Variants in PTCHD4 observed in about 807,000 individuals in gnomAD.
PTCHD4 encodes patched domain containing 4, also known as patched domain-containing protein 4.
Under a neutral mutation model 58.1 loss-of-function variants are expected in PTCHD4, and 33 were observed. The observed-to-expected ratio is 0.57, with a 90% CI of 0.43 to 0.76. The LOEUF is 0.76. Ranked by LOEUF, PTCHD4 falls within the 30% of genes least tolerant of loss-of-function variation. The pLI is 0.00. For missense variants in PTCHD4, 1,058 were observed against 1,027.1 expected (o/e 1.03, Z -0.41); for synonymous variants, 478 against 409.6 (o/e 1.17, Z -2.02).
At chr6:47,956,080 G>T (rs973074177) in intron 4 of PTCHD4, among the ~76,000 whole-genome samples, 1 of 152,164 alleles carries the variant, frequency 6.6e-6, no homozygotes, top group African/African-American at 2.4e-5. Flanking sequence ...GTTTCTGAAT[G>T]AATGAGTAGT....
intron 1 of PTCHD4, among the ~76,000 whole-genome samples, chr6:48,101,539 T>C (rs1234536544): frequency 2.6e-5 from 4 of 152,218 alleles, no homozygotes; most frequent in Non-Finnish European, 5.9e-5. Flanking sequence ...AAAGTGATTC[T>C]AGTTTTGCTT....
At chr6:48,044,149 T>C (rs1169984319) in intron 3 of PTCHD4, among the ~76,000 whole-genome samples, 1 of 151,844 alleles carries the variant, frequency 6.6e-6, no homozygotes, top group Non-Finnish European at 1.5e-5. Flanking sequence ...TGTACTTGCA[T>C]CCTAAGGCAG....
In PTCHD4 at chr6:48,069,147, G is replaced by GC. The variant is rs1764916087; in HGVS notation, c.-191_-190insG. ...CAGACATGTGCCCCATAAAGGGGGG[G>GC]GGGGCTGAGGGGGGGAGAGGAGGGA... On this transcript the variant is annotated 5_prime_UTR_variant, in exon 2 of 5. It introduces an in-frame stop codon into an upstream open reading frame of the 5' UTR. Transcript: ENST00000339488. Among the ~76,000 whole-genome samples, 1 of 139,302 alleles carries GC rather than the reference G, an allele frequency of 7.2e-6. No individual in the cohort carries two copies. The highest frequency in any genetic ancestry group is 1.6e-5 in the Non-Finnish European group (1 of 63,708). 91.4% of individuals were successfully genotyped at this position (139,302 alleles called of 152,430 possible).
chr6:47,969,632 A>C (rs973886868), intron 4 of PTCHD4, among the ~76,000 whole-genome samples: 3 of 152,098 alleles, frequency 2.0e-5, no homozygotes, highest in South Asian at 2.1e-4. Flanking sequence ...GACCCCCCCC[A>C]AAAAATAAAA....
At chr6:48,108,390 G>T (rs948368976) in intron 1 of PTCHD4, among the ~76,000 whole-genome samples, 48 of 152,122 alleles carry the variant, frequency 3.2e-4, no homozygotes, top group Admixed American at 5.2e-4. Flanking sequence ...CTCATAGGTG[G>T]GAATTGAACA....
At chr6:48,057,170 GGTTTTTTTTGTTTTTTTTT>G (rs1053206498) in intron 3 of PTCHD4, among the ~76,000 whole-genome samples, 2 of 146,386 alleles carry the variant, frequency 1.4e-5, no homozygotes, top group Non-Finnish European at 3.0e-5. Context: ...TTCTGGCGGC[GGTTTTTTTTGTTTTTTTTT>G]GTTTTTTTTG....
chr6:47,938,366 T>C (rs1422835073), intron 4 of PTCHD4, among the ~76,000 whole-genome samples: 4 of 152,082 alleles, frequency 2.6e-5, no homozygotes, highest in African/African-American at 4.8e-5. Context: ...ATGTTGTTGG[T>C]CTATAGAACA....
intron 4 of PTCHD4, among the ~76,000 whole-genome samples, chr6:47,918,281 A>T (rs1039299872): frequency 2.0e-5 from 3 of 152,170 alleles, no homozygotes; most frequent in Non-Finnish European, 4.4e-5. Flanking sequence ...GGCATAGTTA[A>T]TGTAGTAAAG....
chr6:48,066,075 T>C (rs894770724), intron 3 of PTCHD4, among the ~76,000 whole-genome samples: 1 of 151,800 alleles, frequency 6.6e-6, no homozygotes, highest in Admixed American at 6.6e-5. Flanking sequence ...TGCAGGTTAC[T>C]CTGGGTGAGG....
intron 4 of PTCHD4, among the ~76,000 whole-genome samples, chr6:47,925,924 C>T (rs1038576828): frequency 6.6e-6 from 1 of 152,134 alleles, no homozygotes; most frequent in Non-Finnish European, 1.5e-5. Context: ...CATCAATGAG[C>T]AATTTGTTGT....
chr6:47,901,526 A>C, intron 4 of PTCHD4: 2 of 991,608 alleles, frequency 2.0e-6, no homozygotes, highest in South Asian at 9.0e-5. Flanking sequence ...TATGATTGGA[A>C]TCAATTTATT....
intron 4 of PTCHD4, among the ~76,000 whole-genome samples, chr6:47,990,597 A>G (rs1383350583): frequency 6.6e-6 from 1 of 152,098 alleles, no homozygotes; most frequent in Non-Finnish European, 1.5e-5. Flanking sequence ...CCACCACCAT[A>G]TAAGAAGTAC....
chr6:47,901,249 C>T (rs1764691885), intron 4 of PTCHD4: 1 of 155,472 alleles, frequency 6.4e-6, no homozygotes, highest in African/African-American at 2.4e-5. Flanking sequence ...ATTTGGCTTG[C>T]TAGTATTTTA....
At position 47,865,864 on chromosome 6, in the gene PTCHD4, T is replaced by TA. The variant is rs1763550657; in HGVS notation, c.*12438dup. ...CTGCAGCATGATGTTTGCAGGTCCT[T>TA]ATATGAAACTTTCTGGTTTGTACAA... On this transcript the variant is annotated 3_prime_UTR_variant, in exon 5 of 5. Coordinates refer to ENST00000339488, the MANE Select transcript of PTCHD4 (RefSeq NM_001384253.1). Among the ~76,000 whole-genome samples, 2 of 151,874 alleles carry TA rather than the reference T, an allele frequency of 1.3e-5. No homozygotes were observed. Among genetic ancestry groups the TA allele is most frequent in the Non-Finnish European group, 2.9e-5 (2 of 67,892 alleles).
intron 4 of PTCHD4, among the ~76,000 whole-genome samples, chr6:47,917,142 A>G (rs1765283546): frequency 6.6e-6 from 1 of 152,008 alleles, no homozygotes; most frequent in Non-Finnish European, 1.5e-5. Flanking sequence ...ATATGATTAC[A>G]TTTTTGTATC....
intron 4 of PTCHD4, among the ~76,000 whole-genome samples, chr6:47,947,934 T>G (rs545014235): frequency 6.6e-6 from 1 of 152,336 alleles, no homozygotes; most frequent in South Asian, 2.1e-4. Flanking sequence ...TTGTCCTGTA[T>G]GTCCCTTAGC....
chr6:47,893,714 C>T (rs914746820), intron 4 of PTCHD4, among the ~76,000 whole-genome samples: 1 of 152,176 alleles, frequency 6.6e-6, no homozygotes, highest in Non-Finnish European at 1.5e-5. Context: ...AATTACTGTG[C>T]TCCCTTAAAT....
In PTCHD4 at chr6:47,871,853, G is replaced by A. The variant is rs770464114; in HGVS notation, c.*6450C>T. On this transcript the variant is annotated 3_prime_UTR_variant, in exon 5 of 5. Coordinates refer to ENST00000339488, the MANE Select transcript of PTCHD4 (RefSeq NM_001384253.1). ...ATAATTAACAGGAAAGTATAATAAA[G>A]TTGTTGCTTAAACTACTAAAACTTT... 6.6e-6 allele frequency among the ~76,000 whole-genome samples: 1 copy of A among 151,650 alleles called. No homozygotes were observed. The highest frequency in any genetic ancestry group is 6.6e-5 in the Admixed American group (1 of 15,196).
intron 4 of PTCHD4, among the ~76,000 whole-genome samples, chr6:47,996,079 A>G (rs1389942108): frequency 6.6e-6 from 1 of 152,148 alleles, no homozygotes; most frequent in African/African-American, 2.4e-5. Context: ...TCAAACTTTT[A>G]TATATTTTTT....
Sources: allele counts gnomAD v4.1 joint callset (sites outside exome capture counted in the v4.1 genomes callset), GRCh38; gene constraint gnomAD v4.1.1; transcripts MANE v1.5; gene names NCBI Gene and HGNC (gene_info 2026-07-23, HGNC 2026-07-21).